Variants in FOXP1 observed in about 807,000 individuals in gnomAD.
The protein encoded by FOXP1 is forkhead box protein P1.
In FOXP1, 15 loss-of-function variants were observed where a neutral mutation model predicts 98.2. That is an observed-to-expected ratio of 0.15 (90% confidence interval 0.10 to 0.24). FOXP1 has a LOEUF of 0.24. Ranked by LOEUF, FOXP1 falls within the 10% of genes least tolerant of loss-of-function variation. FOXP1 has a pLI of 1.00. For missense variants in FOXP1, 633 were observed against 848.5 expected, an observed-to-expected ratio of 0.75 and a Z score of 3.15; for synonymous variants, 371 against 314.5, an observed-to-expected ratio of 1.18 and a Z score of -1.90.
chr3:71,141,098 C>T (rs1380979573), intron 6 of FOXP1, among the ~76,000 whole-genome samples: 1 of 151,972 alleles, frequency 6.6e-6, no homozygotes, highest in South Asian at 2.1e-4. Flanking sequence ...GAAACCCCAT[C>T]TTTACTAAAA....
intron 6 of FOXP1, among the ~76,000 whole-genome samples, chr3:71,189,605 T>C (rs895379128): frequency 2.0e-5 from 3 of 152,210 alleles, no homozygotes; most frequent in African/African-American, 7.2e-5. Flanking sequence ...TCTGTTTCAT[T>C]GGTGCCCCCA....
At chr3:71,416,821 C>T (rs550156962) in intron 3 of FOXP1, among the ~76,000 whole-genome samples, 3 of 151,928 alleles carry the variant, frequency 2.0e-5, no homozygotes, top group South Asian at 2.1e-4. Flanking sequence ...GGGTGGTGGC[C>T]GCATAGAAGG....
chr3:71,159,011 T>C (rs991799243), intron 6 of FOXP1, among the ~76,000 whole-genome samples: 2 of 146,320 alleles, frequency 1.4e-5, no homozygotes, highest in African/African-American at 2.6e-5. Flanking sequence ...GAGGCTGAGG[T>C]AGGAGAATCC....
intron 7 of FOXP1, among the ~76,000 whole-genome samples, chr3:71,081,638 G>T (rs2054430136): frequency 6.6e-6 from 1 of 152,192 alleles, no homozygotes; most frequent in Non-Finnish European, 1.5e-5. Context: ...TACATAGGGA[G>T]AAAACAGTCT....
At chr3:71,358,816 G>C (rs1417808843) in intron 4 of FOXP1, among the ~76,000 whole-genome samples, 2 of 152,092 alleles carry the variant, frequency 1.3e-5, no homozygotes, top group Admixed American at 1.3e-4. Context: ...GGCTGCTTTT[G>C]TGCTCTAAAG....
intron 14 of FOXP1, among the ~76,000 whole-genome samples, chr3:70,979,241 CT>C (rs1387645873): frequency 8.4e-5 from 10 of 119,292 alleles, no homozygotes; most frequent in Non-Finnish European, 1.4e-4. Context: ...GAGATCACCA[CT>C]GCATTCCAGC....
At chr3:71,007,203 T>G (rs998707896) in intron 12 of FOXP1, among the ~76,000 whole-genome samples, 2 of 152,160 alleles carry the variant, frequency 1.3e-5, no homozygotes, top group Admixed American at 6.6e-5. Flanking sequence ...CATAAAAATA[T>G]ACAGCTCATT....
intron 2 of FOXP1, among the ~76,000 whole-genome samples, chr3:71,495,627 A>G (rs914757289): frequency 2.0e-5 from 3 of 152,178 alleles, no homozygotes; most frequent in African/African-American, 7.2e-5. Flanking sequence ...TCTTACAACA[A>G]AGTTCTTAGC....
intron 6 of FOXP1, among the ~76,000 whole-genome samples, chr3:71,171,619 G>A (rs2061658085): frequency 6.6e-6 from 1 of 152,224 alleles, no homozygotes; most frequent in South Asian, 2.1e-4. Flanking sequence ...TCAGTACACT[G>A]CTTTTGCATT....
chr3:71,083,168 G>C lies in FOXP1; in HGVS notation c.282+29368C>G, dbSNP rs1576647408. Among the ~76,000 whole-genome samples, 3 of 152,106 alleles carry C rather than the reference G, an allele frequency of 2.0e-5. No homozygotes were observed. The South Asian group carries it at 6.2e-4, about 32-fold the overall frequency. Reference sequence around the variant, plus strand: ...GGTGGGAGGTATTTGGGTCACAGGGGCAGATCCCTCATGTCTTGGTGCTGT... The same window carrying C: ...GGTGGGAGGTATTTGGGTCACAGGGCCAGATCCCTCATGTCTTGGTGCTGT... On this transcript the variant is annotated intron_variant, in intron 7 of 20. Coordinates refer to ENST00000649528, the MANE Select transcript of FOXP1 (RefSeq NM_001349338.3).
intron 6 of FOXP1, among the ~76,000 whole-genome samples, chr3:71,127,555 C>T (rs2059300523): frequency 6.6e-6 from 1 of 152,170 alleles, no homozygotes; most frequent in African/African-American, 2.4e-5. Context: ...CTATATTTTC[C>T]AGGCCAGTTT....
intron 4 of FOXP1, among the ~76,000 whole-genome samples, chr3:71,316,883 C>T (rs1195022046): frequency 6.6e-6 from 1 of 152,018 alleles, no homozygotes; most frequent in Non-Finnish European, 1.5e-5. Context: ...GTCTCTATTT[C>T]CTAACCTCGT....
rs550065187 is a variant in FOXP1 at position 70,994,870 on chromosome 3, A to G, written c.1062+6102T>C. On this transcript the variant is annotated intron_variant, in intron 13 of 20. Transcript: ENST00000649528. ...ACCTGCCCCGATGACACATGATGAA[A>G]ACATCAGGACATCTTCATCCATCAG... Among the ~76,000 whole-genome samples the G allele has an allele frequency of 2.1e-4, 32 of 152,310 alleles. No individual in the cohort carries two copies. In the South Asian group the frequency reaches 2.3e-3, roughly 11 times the overall value.
intron 3 of FOXP1, among the ~76,000 whole-genome samples, chr3:71,443,884 C>T (rs2086172933): frequency 6.6e-6 from 1 of 152,168 alleles, no homozygotes; most frequent in Non-Finnish European, 1.5e-5. Flanking sequence ...CAACAGAATA[C>T]TATTTCCCCT....
At chr3:71,226,990 G>A (rs1440337313) in intron 5 of FOXP1, among the ~76,000 whole-genome samples, 3 of 152,112 alleles carry the variant, frequency 2.0e-5, no homozygotes, top group African/African-American at 7.2e-5. Flanking sequence ...TTTGGCTGTG[G>A]GTGGGGAGAG....
intron 3 of FOXP1, among the ~76,000 whole-genome samples, chr3:71,449,539 C>T (rs1053407061): frequency 1.3e-5 from 2 of 152,174 alleles, no homozygotes; most frequent in African/African-American, 4.8e-5. Flanking sequence ...TTTCCTAGAA[C>T]CTTACCAAGT....
intron 4 of FOXP1, among the ~76,000 whole-genome samples, chr3:71,357,829 T>C (rs1274642908): frequency 1.3e-5 from 2 of 152,242 alleles, no homozygotes; most frequent in African/African-American, 2.4e-5. Flanking sequence ...TCTTCCCAGA[T>C]GTTTTTACGA....
chr3:71,386,191 C>T (rs2080557661), intron 3 of FOXP1, among the ~76,000 whole-genome samples: 1 of 152,196 alleles, frequency 6.6e-6, no homozygotes, highest in African/African-American at 2.4e-5. Context: ...ATCACAATTT[C>T]CTCCTATCTG....
At chr3:71,337,727 A>T (rs1196514491) in intron 4 of FOXP1, among the ~76,000 whole-genome samples, 1 of 152,200 alleles carries the variant, frequency 6.6e-6, no homozygotes, top group Non-Finnish European at 1.5e-5. Context: ...GGTAGCAAAA[A>T]CTTTCATCTC....
Sources: gnomAD v4.1 joint callset for allele counts (sites outside exome capture counted in the v4.1 genomes callset) on GRCh38, gnomAD v4.1.1 for gene constraint, MANE v1.5 for transcripts, NCBI Gene and HGNC (gene_info 2026-07-23, HGNC 2026-07-21) for gene names.